RYR2: variants seen among roughly 807,000 people sequenced by gnomAD.
RYR2 encodes ryanodine receptor 2.
In RYR2, 227 loss-of-function variants were observed where a neutral mutation model predicts 601.1. The ratio of observed to expected loss-of-function variants is 0.38; its 90% CI spans 0.34 to 0.42. The LOEUF is 0.42. Ranked by LOEUF, RYR2 falls within the 10% of genes least tolerant of loss-of-function variation. RYR2 has a pLI of 1.00. For missense variants in RYR2, 4,646 were observed against 6,156.5 expected, an observed-to-expected ratio of 0.75 and a Z score of 8.21; for synonymous variants, 2,223 against 2,175.1, an observed-to-expected ratio of 1.02 and a Z score of -0.61.
At chr1:237,483,220 T>TA (rs1662311314) in intron 17 of RYR2, among the ~76,000 whole-genome samples, 2 of 152,330 alleles carry the variant, frequency 1.3e-5, no homozygotes, top group South Asian at 4.1e-4. Flanking sequence ...CTCTACCTCT[T>TA]ACGACTATCA....
intron 1 of RYR2, among the ~76,000 whole-genome samples, chr1:237,164,373 G>A (rs987274897): frequency 6.6e-6 from 1 of 152,206 alleles, no homozygotes; most frequent in Non-Finnish European, 1.5e-5. Flanking sequence ...TGTCGGCCAG[G>A]CTGGGCTTTC....
intron 101 of RYR2, among the ~76,000 whole-genome samples, chr1:237,820,119 G>A (rs1008312965): frequency 6.6e-6 from 1 of 151,184 alleles, no homozygotes; most frequent in Admixed American, 6.6e-5. Flanking sequence ...CCCAGGAGGA[G>A]GAGGTTGCAG....
chr1:237,742,410 A>T (rs367815684), intron 80 of RYR2, 61 bp downstream of exon 80: 1 of 1,151,784 alleles, frequency 8.7e-7, no homozygotes, highest in South Asian at 1.3e-5. Flanking sequence ...TTCATAGCTT[A>T]TAACTGACAT....
chr1:237,510,598 C>T (rs967096075), intron 23 of RYR2, among the ~76,000 whole-genome samples: 1 of 152,090 alleles, frequency 6.6e-6, no homozygotes, highest in Admixed American at 6.5e-5. Flanking sequence ...TACATCATTT[C>T]TAACTTGGTG....
In RYR2 at chr1:237,807,499, G is replaced by A. The variant is rs970561424; in HGVS notation, c.14298+1216G>A. Among the ~76,000 whole-genome samples, 7 of 152,206 alleles carry A rather than the reference G, an allele frequency of 4.6e-5. No homozygotes were observed. The East Asian group carries it at 5.8e-4, about 13-fold the overall frequency. On this transcript the variant is annotated intron_variant, in intron 99 of 104. Coordinates refer to ENST00000366574, the MANE Select transcript of RYR2 (RefSeq NM_001035.3). ...CCCGCATAGCTGGGATTATAGGCGC[G>A]TGCCACCATGCCCGGCTAATTTTTG...
In RYR2 at chr1:237,795,836, G is replaced by GTGTGTATATATATA. The variant is rs371932356; in HGVS notation, c.13956+506_13956+507insGTGTATATATATAT. Among the ~76,000 whole-genome samples the GTGTGTATATATATA allele has an allele frequency of 1.4e-3, 191 of 132,664 alleles. 2 individuals carry two copies. Among genetic ancestry groups the GTGTGTATATATATA allele is most frequent in the South Asian group, 0.011 (47 of 4,168 alleles). The allele number at this position is 132,664 out of a possible 152,430, so 87.0% of individuals were successfully genotyped here. A position where few individuals can be genotyped will look rare whatever the true frequency, so the allele number is the denominator to read the frequency against. On this transcript the variant is annotated intron_variant, in intron 96 of 104. Transcript: ENST00000366574. ...TATACAGGTATGTATGTGTGTGTGTGTATATATATATATGTATATGTATAT... is the reference window on the plus strand; with the variant it reads ...TATACAGGTATGTATGTGTGTGTGTGTGTGTATATATATATATATATATATATGTATATGTATAT...
rs143673010 is a variant in RYR2, at chr1:237,157,984, T to C, written c.49-112513T>C. 2.0e-5 allele frequency among the ~76,000 whole-genome samples: 3 copies of C among 152,334 alleles called. No homozygotes were observed. The East Asian group carries it at 5.8e-4, about 29-fold the overall frequency. On this transcript the variant is annotated intron_variant, in intron 1 of 104. Transcript: ENST00000366574. ...TATACATTGTATGCTATTATCAAGA[T>C]AGCACATGTGCCTCCACAAGTATGT...
intron 47 of RYR2, 146 bp from the exon 48 acceptor site, chr1:237,643,181 A>T: frequency 1.0e-6 from 1 of 953,290 alleles, no homozygotes; most frequent in Non-Finnish European, 1.5e-6. Context: ...TAAGCCAGAA[A>T]ACTATTTCTG....
At chr1:237,684,449 C>T (rs184686356) in intron 62 of RYR2, among the ~76,000 whole-genome samples, 3 of 152,164 alleles carry the variant, frequency 2.0e-5, no homozygotes, top group Middle Eastern at 3.4e-3. Context: ...GAGATGTAAA[C>T]AGCAGCTGGG....
intron 2 of RYR2, among the ~76,000 whole-genome samples, chr1:237,314,097 C>T (rs1171474028): frequency 1.8e-5 from 2 of 113,812 alleles, no homozygotes; most frequent in Non-Finnish European, 3.3e-5. Context: ...TGGAGTCTTG[C>T]TCTGTTGCCC....
In RYR2 at chr1:237,254,021, A is replaced by G. The variant is rs150896693; in HGVS notation, c.49-16476A>G. ...TGATAGATAAATGTTATGTCCATACACACAGAGCTATGAAACCCTTCTATA... is the reference window on the plus strand; with the variant it reads ...TGATAGATAAATGTTATGTCCATACGCACAGAGCTATGAAACCCTTCTATA... On this transcript the variant is annotated intron_variant, in intron 1 of 104. Coordinates refer to ENST00000366574, the MANE Select transcript of RYR2 (RefSeq NM_001035.3). Among the ~76,000 whole-genome samples, 4 of 152,360 alleles carry G rather than the reference A, an allele frequency of 2.6e-5. No individual in the cohort carries two copies. The East Asian group carries it at 5.8e-4, about 22-fold the overall frequency.
intron 2 of RYR2, among the ~76,000 whole-genome samples, chr1:237,297,539 T>TG (rs1169932022): frequency 6.6e-6 from 1 of 152,140 alleles, no homozygotes; most frequent in African/African-American, 2.4e-5. Context: ...AAAAACATTT[T>TG]TTGTGAATCC....
Position 237,631,656 on chromosome 1 carries a change from G to T in RYR2, c.6555+115G>T, listed in dbSNP as rs1411816961. On this transcript the variant is annotated intron_variant, in intron 42 of 104. Coordinates refer to ENST00000366574, the MANE Select transcript of RYR2 (RefSeq NM_001035.3). ...TTTTTTTTTTTTTTTGGAGACAGAG[G>T]CTCACTCTGTCGCCCAGGCTGGAGT... The T allele has an allele frequency of 1.3e-4, 60 of 477,446 alleles. 1 individual carries two copies. The highest frequency in any genetic ancestry group is 1.9e-4 in the Admixed American group (3 of 16,038). The allele number at this position is 477,446 out of a possible 1,614,324, so 29.6% of individuals were successfully genotyped here.
intron 10 of RYR2, among the ~76,000 whole-genome samples, chr1:237,408,376 T>C (rs1315238043): frequency 2.9e-5 from 3 of 104,622 alleles, no homozygotes. Flanking sequence ...AAGGGCGTGG[T>C]CTGTGTCTAG....
At position 237,530,250 on chromosome 1, in the gene RYR2, G is replaced by A. The variant is rs6698551; in HGVS notation, c.2823-177G>A. Among the ~76,000 whole-genome samples the A allele has an allele frequency of 6.3e-3, 961 of 151,796 alleles. 12 individuals are homozygous for A. Among genetic ancestry groups the A allele is most frequent in the African/African-American group, 0.022 (905 of 41,366 alleles). On this transcript the variant is annotated intron_variant, in intron 24 of 104. Transcript: ENST00000366574. Reference sequence around the variant, plus strand: ...GGCGTGAATCCGGGAGGCGGAGCTTGCAGTGAGCCGAGATCGCGCCACTGC... The same window carrying A: ...GGCGTGAATCCGGGAGGCGGAGCTTACAGTGAGCCGAGATCGCGCCACTGC...
intron 1 of RYR2, among the ~76,000 whole-genome samples, chr1:237,209,937 A>G (rs628414): frequency 0.72 from 109,826 of 152,128 alleles, 43,010 homozygotes; most frequent in East Asian, 0.98. Flanking sequence ...ATCTCTTTCT[A>G]TGTTTTAAAT....
chr1:237,381,251 C>CAAAAAAAAAAA (rs60493059), intron 8 of RYR2, among the ~76,000 whole-genome samples: 3 of 45,772 alleles, frequency 6.6e-5, no homozygotes, highest in African/African-American at 1.1e-4. Flanking sequence ...GACTCCGTCT[C>CAAAAAAAAAAA]AAAAAAAAAA....
chr1:237,317,791 G>A (rs1465556646), intron 2 of RYR2, among the ~76,000 whole-genome samples: 1 of 151,560 alleles, frequency 6.6e-6, no homozygotes, highest in East Asian at 1.9e-4. Flanking sequence ...CACCTCTTAC[G>A]GTTAATGTTT....
intron 1 of RYR2, among the ~76,000 whole-genome samples, chr1:237,091,473 G>A (rs1287769033): frequency 6.6e-6 from 1 of 152,026 alleles, no homozygotes; most frequent in East Asian, 1.9e-4. Context: ...TGCCCAGGCT[G>A]GAGTGCAGTG....
Sources: gnomAD v4.1 joint callset for allele counts (sites outside exome capture counted in the v4.1 genomes callset) on GRCh38, gnomAD v4.1.1 for gene constraint, MANE v1.5 for transcripts, NCBI Gene and HGNC (gene_info 2026-07-23, HGNC 2026-07-21) for gene names.